The following CCDC102B variants were observed in gnomAD, a reference collection of about 807,000 sequenced individuals.
CCDC102B encodes the protein coiled-coil domain-containing protein 102B.
Under a neutral mutation model 57.4 loss-of-function variants are expected in CCDC102B, and 75 were observed. The observed-to-expected ratio is 1.31, with a 90% CI of 1.08 to 1.58. The LOEUF (loss-of-function observed/expected upper bound fraction) is 1.58, where lower values mean the gene tolerates loss of function less well. Ranked by LOEUF, CCDC102B falls within the 40% of genes most tolerant of loss-of-function variation. The pLI, the probability that CCDC102B is intolerant of heterozygous loss-of-function variation, is 0.00. For missense variants in CCDC102B, 636 were observed against 582.6 expected, an observed-to-expected ratio of 1.09 and a Z score of -0.94; for synonymous variants, 206 against 201.9, an observed-to-expected ratio of 1.02 and a Z score of -0.17.
intron 7 of CCDC102B, among the ~76,000 whole-genome samples, chr18:69,040,055 A>C (rs2052390950): frequency 6.6e-6 from 1 of 151,882 alleles, no homozygotes; most frequent in Admixed American, 6.6e-5. Flanking sequence ...ATCTTTTATG[A>C]GGCAGGGGAA....
intron 5 of CCDC102B, among the ~76,000 whole-genome samples, chr18:68,880,050 G>A (rs1425652941): frequency 6.6e-6 from 1 of 152,184 alleles, no homozygotes; most frequent in Non-Finnish European, 1.5e-5. Context: ...GCAGGGGGCG[G>A]TGCTCATCGG....
chr18:68,886,545 A>G (rs1402723829), intron 5 of CCDC102B, among the ~76,000 whole-genome samples: 3 of 152,272 alleles, frequency 2.0e-5, no homozygotes, highest in East Asian at 3.9e-4. Flanking sequence ...TTTTAGGCTT[A>G]AAAAGATTCT....
intron 2 of CCDC102B, among the ~76,000 whole-genome samples, chr18:68,774,381 G>T (rs555775945): frequency 2.6e-5 from 4 of 151,786 alleles, no homozygotes; most frequent in African/African-American, 9.7e-5. Context: ...TCAGGACCAG[G>T]GTTTCTATTA....
chr18:69,016,466 A>C (rs1478074899), intron 7 of CCDC102B, among the ~76,000 whole-genome samples: 1 of 152,176 alleles, frequency 6.6e-6, no homozygotes, highest in African/African-American at 2.4e-5. Context: ...TAAGAATTTT[A>C]TACATTTTAT....
intron 6 of CCDC102B, among the ~76,000 whole-genome samples, chr18:68,959,491 G>A (rs1458122845): frequency 6.6e-6 from 1 of 152,114 alleles, no homozygotes; most frequent in Non-Finnish European, 1.5e-5. Context: ...AAGGCCCGCA[G>A]TGACCACCGC....
rs599404 is a variant in CCDC102B, at chr18:68,780,026, G to A, written c.-66-43340G>A. Among the ~76,000 whole-genome samples, 584 of 152,054 alleles carry A rather than the reference G, an allele frequency of 3.8e-3. 2 individuals are homozygous for A. Among genetic ancestry groups the A allele is most frequent in the African/African-American group, 0.012 (513 of 41,510 alleles). On this transcript the variant is annotated intron_variant, in intron 2 of 3. Transcript: ENST00000578970. ...CATCAGCAGTCACTCCTGATCTCTC[G>A]CTATCCTCAACTGTAGGCAAACAAT...
In CCDC102B at chr18:68,768,059, A is replaced by G. The variant is rs2034524285; in HGVS notation, c.-67+51465A>G. ...CAATCATCAATATGCAATTTAAACT[A>G]TCAGGCTAATTTATTACAACTGGTA... On this transcript the variant is annotated intron_variant, in intron 2 of 3. Coordinates refer to the CCDC102B transcript ENST00000578970. Among the ~76,000 whole-genome samples, 3 of 152,200 alleles carry G rather than the reference A, an allele frequency of 2.0e-5. No individual in the cohort carries two copies. The South Asian group carries it at 6.2e-4, about 31-fold the overall frequency.
chr18:68,872,418 T>TG (rs1327235311), intron 4 of CCDC102B, among the ~76,000 whole-genome samples: 1 of 152,194 alleles, frequency 6.6e-6, no homozygotes, highest in Admixed American at 6.5e-5. Flanking sequence ...TAAATTTTTT[T>TG]CTTTATGTAT....
chr18:68,933,027 A>C (rs2041728217), intron 6 of CCDC102B, among the ~76,000 whole-genome samples: 1 of 151,882 alleles, frequency 6.6e-6, no homozygotes, highest in Admixed American at 6.6e-5. Context: ...TGTTTCTGCC[A>C]AGATAAGTTG....
intron 7 of CCDC102B, among the ~76,000 whole-genome samples, chr18:69,013,793 G>T (rs915526689): frequency 4.6e-5 from 7 of 152,164 alleles, no homozygotes; most frequent in African/African-American, 1.7e-4. Context: ...AGGTAATATA[G>T]AAATTTAAGT....
chr18:68,800,668 CCT>C (rs10561744), intron 1 of CCDC102B, among the ~76,000 whole-genome samples: 4,681 of 152,124 alleles, frequency 0.031, 224 homozygotes, highest in African/African-American at 0.11. Flanking sequence ...TACTGACTTT[CCT>C]CTGTTTCTTT....
chr18:68,951,080 G>T (rs766711824), intron 6 of CCDC102B, among the ~76,000 whole-genome samples: 2 of 152,080 alleles, frequency 1.3e-5, no homozygotes, highest in Non-Finnish European at 2.9e-5. Context: ...ATATTGTGGA[G>T]AAAAACTGAG....
At chr18:68,996,718 C>T (rs1334091272) in intron 6 of CCDC102B, among the ~76,000 whole-genome samples, 2 of 152,102 alleles carry the variant, frequency 1.3e-5, no homozygotes, top group Non-Finnish European at 2.9e-5. Context: ...TTTGCAGGCT[C>T]ATAGGCAGAA....
At chr18:68,916,704 A>G (rs2041084910) in intron 6 of CCDC102B, among the ~76,000 whole-genome samples, 1 of 152,234 alleles carries the variant, frequency 6.6e-6, no homozygotes, top group South Asian at 2.1e-4. Flanking sequence ...GGAGAAAACT[A>G]AAGTCAATCA....
At chr18:68,915,096 T>C (rs760237307) in intron 6 of CCDC102B, among the ~76,000 whole-genome samples, 3 of 152,222 alleles carry the variant, frequency 2.0e-5, no homozygotes, top group Non-Finnish European at 2.9e-5. Context: ...TTTAAGGCTA[T>C]TTTATATATC....
chr18:68,968,385 A>C (rs2050214631), intron 6 of CCDC102B, among the ~76,000 whole-genome samples: 1 of 152,166 alleles, frequency 6.6e-6, no homozygotes, highest in Non-Finnish European at 1.5e-5. Flanking sequence ...TTATTTTGAA[A>C]TAACTGCAGG....
chr18:68,938,290 C>T (rs1383778142), intron 6 of CCDC102B, among the ~76,000 whole-genome samples: 1 of 151,990 alleles, frequency 6.6e-6, no homozygotes, highest in African/African-American at 2.4e-5. Flanking sequence ...ATGATTATGA[C>T]ACATATTCAA....
At chr18:68,779,142 T>A (rs2034922572) in intron 2 of CCDC102B, among the ~76,000 whole-genome samples, 1 of 152,026 alleles carries the variant, frequency 6.6e-6, no homozygotes, top group Non-Finnish European at 1.5e-5. Flanking sequence ...AGTAGCTTGA[T>A]AAACAAAAAA....
chr18:69,045,104 A>G (rs1262425778), intron 7 of CCDC102B, among the ~76,000 whole-genome samples: 1 of 151,942 alleles, frequency 6.6e-6, no homozygotes, highest in Non-Finnish European at 1.5e-5. Flanking sequence ...ATTTAGCCTT[A>G]ATTACCTTCT....
Sources: allele counts gnomAD v4.1 joint callset (sites outside exome capture counted in the v4.1 genomes callset), GRCh38; gene constraint gnomAD v4.1.1; transcripts MANE v1.5; gene names NCBI Gene and HGNC (gene_info 2026-07-23, HGNC 2026-07-21).